Variants in PLXNA1 observed in about 807,000 individuals in gnomAD.
PLXNA1 encodes the protein plexin A1.
PLXNA1 carries 77 observed loss-of-function variants against 191.7 expected under a neutral mutation model. The observed-to-expected ratio is 0.40, with a 90% CI of 0.33 to 0.49. The LOEUF (loss-of-function observed/expected upper bound fraction) is 0.49, where lower values mean the gene tolerates loss of function less well. Among genes scored for constraint, PLXNA1 ranks in the 20% least tolerant of loss-of-function variants. The pLI is 0.63. For missense variants in PLXNA1, 2,110 were observed against 2,660.2 expected (o/e 0.79, Z 4.55); for synonymous variants, 1,137 against 1,156.4 (o/e 0.98, Z 0.34).
At chr3:126,999,525 G>A (rs1022083390) in intron 3 of PLXNA1, among the ~76,000 whole-genome samples, 3 of 152,224 alleles carry the variant, frequency 2.0e-5, no homozygotes, top group African/African-American at 4.8e-5. Flanking sequence ...GCTGGGGCGC[G>A]TGCCGGTCCT....
rs2079195004 is a variant in PLXNA1 at position 127,029,501 on chromosome 3, A to C, written c.4835A>C (p.Asn1612Thr). ...CAGACGTCCGCCTACAACATCTCCA[A>C]CTCCTCCACCTTCACCAAGTCCCTC... ...PKQTSAYNISNSSTFTKSLSR... is the reference protein window; with the variant it reads ...PKQTSAYNISTSSTFTKSLSR... Residue 1612 changes from asparagine to threonine, a missense_variant, in exon 27 of 32, where the codon AAC becomes ACC. Physicochemically the swap from Asn to Thr is moderately conservative, Grantham distance 65 (BLOSUM62 0). Coordinates refer to ENST00000393409, the MANE Select transcript of PLXNA1 (RefSeq NM_032242.4). The C allele has an allele frequency of 6.2e-6, 10 of 1,613,268 alleles. No individual in the cohort carries two copies. The highest frequency in any genetic ancestry group is 8.5e-6 in the Non-Finnish European group (10 of 1,179,806).
rs767676045 is a variant in PLXNA1, at chr3:127,017,589, C to T, written c.3441C>T (p.Tyr1147=). 1.9e-6 allele frequency: 3 copies of T among 1,613,684 alleles called. No homozygotes were observed. The highest frequency in any genetic ancestry group is 2.5e-6 in the Non-Finnish European group (3 of 1,180,032). The part of the protein sequence containing the change: ...LVLNSTSFLY[Y]PDPVLEPLSP... The stretch of plus-strand genomic sequence containing the variant: ...TCAACTCCACCTCCTTCCTCTACTA[C>T]CCTGACCCCGTACTGGAGCCACTCA... The change falls in exon 18 of 32, where the codon TAC becomes TAT. Residue 1147 remains tyrosine, a synonymous_variant. Coordinates refer to ENST00000393409, the MANE Select transcript of PLXNA1 (RefSeq NM_032242.4).
At chr3:127,028,420 G>A (rs986312368) in intron 25 of PLXNA1, 80 bp downstream of exon 25, 14 of 1,464,930 alleles carry the variant, frequency 9.6e-6, no homozygotes, top group Admixed American at 6.9e-5. Context: ...TGAGCTTGGC[G>A]GGGAAGGCCA....
rs1418951302 is a variant in PLXNA1 at position 127,034,292 on chromosome 3, C to T, written c.*275C>T. 7 of 386,670 alleles carry T rather than the reference C, an allele frequency of 1.8e-5. No homozygotes were observed. Among genetic ancestry groups the T allele is most frequent in the African/African-American group, 4.0e-5 (2 of 49,710 alleles). The allele number at this position is 386,670 out of a possible 1,614,324, so 24.0% of individuals were successfully genotyped here. A position where few individuals can be genotyped will look rare whatever the true frequency, so the allele number is the denominator to read the frequency against. ...CAGGCTGGCCAAGGACCTTCATTGC[C>T]TGGCAAGAGCTGCCCAGTGGCCTTC... On this transcript the variant is annotated 3_prime_UTR_variant, in exon 32 of 32. Transcript: ENST00000393409.
In PLXNA1 at chr3:127,035,750, C is replaced by T. The variant is rs982371070; in HGVS notation, c.*1733C>T. The stretch of plus-strand genomic sequence containing the variant: ...TCAGCCCCATGTCCTTGGCCAGGCC[C>T]AAGGAGAGGACTCGGCCCCATGGGG... On this transcript the variant is annotated 3_prime_UTR_variant, in exon 32 of 32. Coordinates refer to ENST00000393409, the MANE Select transcript of PLXNA1 (RefSeq NM_032242.4). 1 of 152,414 alleles carries T rather than the reference C, an allele frequency of 6.6e-6. No homozygotes were observed. The highest frequency in any genetic ancestry group is 2.4e-5 in the African/African-American group (1 of 41,438). The allele number at this position is 152,414 out of a possible 1,614,324, so 9.4% of individuals were successfully genotyped here.
chr3:126,992,992 A>G (rs926217648), intron 3 of PLXNA1, among the ~76,000 whole-genome samples: 3 of 151,944 alleles, frequency 2.0e-5, no homozygotes, highest in African/African-American at 7.3e-5. Flanking sequence ...CAGCTTAGAG[A>G]CATTTTGTGG....
intron 4 of PLXNA1, 105 bp from the exon 5 acceptor site, chr3:127,004,506 A>T: frequency 1.2e-6 from 1 of 803,126 alleles, no homozygotes; most frequent in Non-Finnish European, 2.1e-6. Flanking sequence ...GAACAAGTGC[A>T]GGGCCTCCCC....
chr3:127,029,232 T>C (rs1234954776), intron 26 of PLXNA1, 136 bp downstream of exon 26: 5 of 823,482 alleles, frequency 6.1e-6, no homozygotes, highest in South Asian at 3.2e-5. Context: ...TGGTCACTTA[T>C]GTGTGTGGAC....
intron 17 of PLXNA1, 89 bp downstream of exon 17, chr3:127,017,126 C>A: frequency 8.1e-7 from 1 of 1,232,330 alleles, no homozygotes; most frequent in Middle Eastern, 2.0e-4. Flanking sequence ...CCTGCCCCTG[C>A]CCCTACCCCT....
chr3:127,004,109 CTCTGCCCCTCCTGGGCGCAGTGGGGT>C (rs1222893953), intron 4 of PLXNA1, among the ~76,000 whole-genome samples: 3 of 152,232 alleles, frequency 2.0e-5, no homozygotes, highest in African/African-American at 7.2e-5. Flanking sequence ...CTCGTTTTTC[CTCTGCCCCTCCTGGGCGCAGTGGGGT>C]TCTGCCTTCC....
intron 15 of PLXNA1, 70 bp downstream of exon 15, chr3:127,015,390 C>G: frequency 1.3e-6 from 2 of 1,540,318 alleles, no homozygotes; most frequent in East Asian, 2.3e-5. Context: ...CATGCCCCTT[C>G]TTGTTGCCTG....
At chr3:127,027,795 G>A (rs1212393383) in intron 23 of PLXNA1, 145 bp from the exon 24 acceptor site, 1 of 1,057,060 alleles carries the variant, frequency 9.5e-7, no homozygotes, top group South Asian at 1.3e-5. Flanking sequence ...TTGGGACTAA[G>A]GCTGTACTTG....
intron 4 of PLXNA1, among the ~76,000 whole-genome samples, chr3:127,003,966 C>G (rs777936833): frequency 6.6e-6 from 1 of 152,256 alleles, no homozygotes; most frequent in Non-Finnish European, 1.5e-5. Context: ...CCTGGCCTGG[C>G]TTGCCTGGAG....
At position 127,007,787 on chromosome 3, in the gene PLXNA1, C is replaced by A; in HGVS notation, c.1998-12C>A. 1.9e-6 allele frequency: 3 copies of A among 1,594,000 alleles called. No homozygotes were observed. The highest frequency in any genetic ancestry group is 2.6e-6 in the Non-Finnish European group (3 of 1,163,928). ...GGGTCCCCAGGCTTCAGCACCCACCCTCTCCCTGCAGCTGCCTGTCCTGTG... is the reference window on the plus strand; with the variant it reads ...GGGTCCCCAGGCTTCAGCACCCACCATCTCCCTGCAGCTGCCTGTCCTGTG... On this transcript the variant is annotated splice_polypyrimidine_tract_variant and intron_variant, in intron 8 of 31. Transcript: ENST00000393409.
At position 126,991,520 on chromosome 3, in the gene PLXNA1, G is replaced by A. The variant is rs1230984994; in HGVS notation, c.1331G>A (p.Gly444Asp). ...GCCGTGGCTGCCTATGACTATCGGG[G>A]CCGCACTGTGGTATTCGCCGGCACG... is the stretch of plus-strand genomic sequence containing the variant. ...LTAVAAYDYR[G>D]RTVVFAGTRS... The change falls in exon 3 of 32, where the codon GGC becomes GAC. Residue 444 changes from glycine (G) to aspartate (D), a missense_variant. Coordinates refer to ENST00000393409, the MANE Select transcript of PLXNA1 (RefSeq NM_032242.4). 6.2e-7 allele frequency: 1 copy of A among 1,610,482 alleles called. No individual in the cohort carries two copies. Among genetic ancestry groups the A allele is most frequent in the Non-Finnish European group, 8.5e-7 (1 of 1,178,296 alleles).
intron 3 of PLXNA1, among the ~76,000 whole-genome samples, chr3:126,997,462 A>G (rs964279295): frequency 1.3e-5 from 2 of 151,806 alleles, no homozygotes; most frequent in Admixed American, 6.6e-5. Flanking sequence ...CCCCACTGGT[A>G]GTCTTGGTGG....
intron 3 of PLXNA1, among the ~76,000 whole-genome samples, chr3:127,002,345 G>A (rs899856994): frequency 2.0e-5 from 3 of 152,236 alleles, no homozygotes; most frequent in Non-Finnish European, 2.9e-5. Context: ...TCTCCCAGCC[G>A]ACAGCCTCTT....
rs551206144 is a variant in PLXNA1 at position 126,988,788 on chromosome 3, G to A, written c.195G>A (p.Val65=). The change falls in exon 2 of 32, where the codon GTG becomes GTA. Residue 65 remains valine (V), a synonymous_variant. Coordinates refer to ENST00000393409, the MANE Select transcript of PLXNA1 (RefSeq NM_032242.4). The part of the protein sequence containing the change: ...VVHEQTGEVY[V]GAVNRIYKLS... ...ATGAGCAGACAGGCGAGGTGTATGT[G>A]GGCGCAGTGAACCGCATCTATAAGC... 1.4e-5 allele frequency: 23 copies of A among 1,610,604 alleles called. No individual in the cohort carries two copies. Among genetic ancestry groups the A allele is most frequent in the Admixed American group, 5.0e-5 (3 of 59,864 alleles).
intron 3 of PLXNA1, among the ~76,000 whole-genome samples, chr3:126,997,624 C>G (rs915717616): frequency 6.6e-6 from 1 of 152,168 alleles, no homozygotes; most frequent in African/African-American, 2.4e-5. Context: ...AGCGTGTGCC[C>G]GCCCCCTTTC....
Sources: gnomAD v4.1 joint callset for allele counts (sites outside exome capture counted in the v4.1 genomes callset) on GRCh38, gnomAD v4.1.1 for gene constraint, MANE v1.5 for transcripts, NCBI Gene and HGNC (gene_info 2026-07-23, HGNC 2026-07-21) for gene names.